Variants in GNAQ observed in about 807,000 individuals in gnomAD.
GNAQ encodes guanine nucleotide-binding protein G(q) subunit alpha.
A neutral mutation model predicts 43.9 loss-of-function variants in GNAQ; 8 were observed. The ratio of observed to expected loss-of-function variants is 0.18; its 90% CI spans 0.11 to 0.33. The LOEUF (loss-of-function observed/expected upper bound fraction) is 0.33, where lower values mean the gene tolerates loss of function less well. GNAQ is among the 10% of genes least tolerant of loss of function. The pLI is 1.00. For synonymous variants in GNAQ, 155 were observed against 170.7 expected, an observed-to-expected ratio of 0.91 and a Z score of 0.71; for missense variants, 158 against 450.8, an observed-to-expected ratio of 0.35 and a Z score of 5.88.
chr9:78,027,095 C>T (rs557094581), intron 1 of GNAQ, among the ~76,000 whole-genome samples: 1 of 152,236 alleles, frequency 6.6e-6, no homozygotes, highest in East Asian at 1.9e-4. Flanking sequence ...TTAAGCATGA[C>T]TGTTACCATT....
intron 3 of GNAQ, among the ~76,000 whole-genome samples, chr9:77,814,218 T>G (rs1344108354): frequency 1.3e-5 from 2 of 151,888 alleles, no homozygotes; most frequent in African/African-American, 4.8e-5. Flanking sequence ...ATCTCTGTAC[T>G]CACAGAAACT....
intron 5 of GNAQ, among the ~76,000 whole-genome samples, chr9:77,794,175 G>A (rs879317221): frequency 6.6e-6 from 1 of 152,116 alleles, no homozygotes; most frequent in South Asian, 2.1e-4. Flanking sequence ...ACTATAAAAT[G>A]ATCTGATGAT....
At chr9:77,806,510 C>A (rs1587924966) in intron 3 of GNAQ, among the ~76,000 whole-genome samples, 2 of 152,214 alleles carry the variant, frequency 1.3e-5, no homozygotes, top group South Asian at 2.1e-4. Flanking sequence ...ACCGATGAAT[C>A]AATTAAGAAA....
chr9:77,921,212 G>A (rs148043853), intron 2 of GNAQ, among the ~76,000 whole-genome samples: 39 of 152,292 alleles, frequency 2.6e-4, no homozygotes, highest in African/African-American at 9.1e-4. Flanking sequence ...ATTGATTAAC[G>A]GGAAGGCAAC....
At chr9:77,991,996 T>C (rs1823513762) in intron 1 of GNAQ, among the ~76,000 whole-genome samples, 1 of 152,206 alleles carries the variant, frequency 6.6e-6, no homozygotes, top group African/African-American at 2.4e-5. Flanking sequence ...GGTTCCATAT[T>C]TTTGCAATTG....
intron 2 of GNAQ, among the ~76,000 whole-genome samples, chr9:77,921,719 A>G (rs1368224056): frequency 6.6e-6 from 1 of 152,218 alleles, no homozygotes; most frequent in African/African-American, 2.4e-5. Flanking sequence ...AGAAAATCAC[A>G]AAATTCAAAA....
intron 1 of GNAQ, among the ~76,000 whole-genome samples, chr9:77,951,347 C>T (rs1199375844): frequency 2.0e-5 from 3 of 152,124 alleles, no homozygotes; most frequent in Non-Finnish European, 4.4e-5. Context: ...ATCTGCCCGC[C>T]TTGGCCTCCC....
intron 2 of GNAQ, among the ~76,000 whole-genome samples, chr9:77,865,697 G>T (rs1295493746): frequency 6.6e-6 from 1 of 152,172 alleles, no homozygotes; most frequent in Non-Finnish European, 1.5e-5. Flanking sequence ...CCCGTGGCAA[G>T]TCAATCCTTT....
At chr9:77,763,461 A>C (rs1826087567) in intron 5 of GNAQ, among the ~76,000 whole-genome samples, 1 of 152,194 alleles carries the variant, frequency 6.6e-6, no homozygotes, top group South Asian at 2.1e-4. Context: ...CCCCATCTCC[A>C]CAAAAATAAT....
At chr9:77,941,557 C>T (rs1291368325) in intron 1 of GNAQ, among the ~76,000 whole-genome samples, 1 of 151,994 alleles carries the variant, frequency 6.6e-6, no homozygotes, top group Non-Finnish European at 1.5e-5. Flanking sequence ...CCAATAGGTA[C>T]CATATCTTAA....
intron 2 of GNAQ, among the ~76,000 whole-genome samples, chr9:77,818,266 T>C (rs1219353865): frequency 6.6e-6 from 1 of 152,210 alleles, no homozygotes; most frequent in African/African-American, 2.4e-5. Flanking sequence ...ATTCCATCCT[T>C]GCTGTTTTGG....
At chr9:77,880,495 C>A (rs1441337162) in intron 2 of GNAQ, among the ~76,000 whole-genome samples, 1 of 151,946 alleles carries the variant, frequency 6.6e-6, no homozygotes, top group Non-Finnish European at 1.5e-5. Context: ...ACCCTCCCAC[C>A]TCAGCCTTCT....
At chr9:77,930,362 G>A (rs1479951191) in intron 1 of GNAQ, among the ~76,000 whole-genome samples, 7 of 152,068 alleles carry the variant, frequency 4.6e-5, no homozygotes, top group African/African-American at 1.7e-4. Flanking sequence ...AGGACTTGCT[G>A]TTTTTCCTAC....
chr9:77,872,737 G>A (rs1020820609), intron 2 of GNAQ, among the ~76,000 whole-genome samples: 1 of 152,046 alleles, frequency 6.6e-6, no homozygotes, highest in Non-Finnish European at 1.5e-5. Flanking sequence ...AGACTCTCAG[G>A]GTTTCTGACT....
chr9:77,924,639 A>C (rs1347404396), intron 1 of GNAQ, among the ~76,000 whole-genome samples: 2 of 152,200 alleles, frequency 1.3e-5, no homozygotes. Flanking sequence ...AGAGCAGTCA[A>C]CATTTGGCAC....
At chr9:78,023,393 G>A (rs1413540335) in intron 1 of GNAQ, among the ~76,000 whole-genome samples, 1 of 152,158 alleles carries the variant, frequency 6.6e-6, no homozygotes, top group African/African-American at 2.4e-5. Flanking sequence ...GCAAGTCAGA[G>A]AATCTGAGGA....
In GNAQ at chr9:77,769,750, T is replaced by C. The variant is rs569565257; in HGVS notation, c.735+24713A>G. Among the ~76,000 whole-genome samples the C allele has an allele frequency of 5.5e-3, 833 of 150,630 alleles. 1 individual carries two copies. Among genetic ancestry groups the C allele is most frequent in the African/African-American group, 0.019 (786 of 40,934 alleles). ...CGCGATCTCCGCTCACTGCAAGCTC[T>C]GCCTCCTGGGTTCATGCCATTCTCC... On this transcript the variant is annotated intron_variant, in intron 5 of 6. Transcript: ENST00000286548.
At chr9:77,957,188 T>C (rs1005053212) in intron 1 of GNAQ, among the ~76,000 whole-genome samples, 1 of 151,980 alleles carries the variant, frequency 6.6e-6, no homozygotes, top group Non-Finnish European at 1.5e-5. Context: ...AAACCCCTTC[T>C]CTACTAAAAA....
At chr9:77,877,893 C>T (rs541169342) in intron 2 of GNAQ, among the ~76,000 whole-genome samples, 2 of 152,232 alleles carry the variant, frequency 1.3e-5, no homozygotes, top group South Asian at 2.1e-4. Flanking sequence ...CTCCCATTCC[C>T]GAATGCCCAA....
Sources: allele counts gnomAD v4.1 joint callset (sites outside exome capture counted in the v4.1 genomes callset), GRCh38; gene constraint gnomAD v4.1.1; transcripts MANE v1.5; gene names NCBI Gene and HGNC (gene_info 2026-07-23, HGNC 2026-07-21).